Variants in CRIM1 observed in about 807,000 individuals in gnomAD.
CRIM1 encodes the protein cysteine rich transmembrane BMP regulator 1.
CRIM1 carries 32 observed loss-of-function variants against 116.4 expected under a neutral mutation model. The ratio of observed to expected loss-of-function variants is 0.27; its 90% CI spans 0.21 to 0.37. CRIM1 has a LOEUF of 0.37. Ranked by LOEUF, CRIM1 falls within the 10% of genes least tolerant of loss-of-function variation. The pLI, the probability that CRIM1 is intolerant of heterozygous loss-of-function variation, is 1.00. For missense variants in CRIM1, 1,331 were observed against 1,354.8 expected, an observed-to-expected ratio of 0.98 and a Z score of 0.28; for synonymous variants, 590 against 509.2, an observed-to-expected ratio of 1.16 and a Z score of -2.13.
intron 4 of CRIM1, among the ~76,000 whole-genome samples, chr2:36,449,283 C>T (rs1343384791): frequency 3.9e-5 from 6 of 152,116 alleles, no homozygotes; most frequent in South Asian, 2.1e-4. Context: ...GGGTCCTAGC[C>T]GGTGCACATC....
rs1219187950 is a variant in CRIM1 at position 36,549,745 on chromosome 2, AATG to A, written c.*1048_*1050del. The stretch of plus-strand genomic sequence containing the variant: ...AGCACCTTTGTTGAAGCTCAAAAAA[AATG>A]ATGCCTCTTTAAACTTTAGCAATTA... On this transcript the variant is annotated 3_prime_UTR_variant, in exon 17 of 17. Coordinates refer to ENST00000280527, the MANE Select transcript of CRIM1 (RefSeq NM_016441.3). The A allele has an allele frequency of 5.2e-5, 8 of 152,430 alleles. No individual in the cohort carries two copies. Among genetic ancestry groups the A allele is most frequent in the Non-Finnish European group, 8.8e-5 (6 of 67,982 alleles). 9.4% of individuals were successfully genotyped at this position (152,430 alleles called of 1,614,324 possible). A position where few individuals can be genotyped will look rare whatever the true frequency, so the allele number is the denominator to read the frequency against.
chr2:36,416,543 GT>G (rs1558560053), intron 2 of CRIM1, among the ~76,000 whole-genome samples: 1 of 152,148 alleles, frequency 6.6e-6, no homozygotes, highest in Admixed American at 6.5e-5. Context: ...ACAACACTGC[GT>G]TTGTCTTCTG....
intron 15 of CRIM1, among the ~76,000 whole-genome samples, 192 bp downstream of exon 15, chr2:36,544,690 A>G (rs766155901): frequency 2.0e-5 from 3 of 152,268 alleles, no homozygotes; most frequent in Non-Finnish European, 4.4e-5. Context: ...TCAGCAGGTA[A>G]CTGGATTAAA....
At chr2:36,418,307 T>C (rs746640520) in intron 2 of CRIM1, among the ~76,000 whole-genome samples, 9 of 152,156 alleles carry the variant, frequency 5.9e-5, no homozygotes, top group Non-Finnish European at 8.8e-5. Context: ...TTGAGCTCTT[T>C]TTATTGTTTG....
At chr2:36,502,504 C>T (rs956568114) in intron 8 of CRIM1, among the ~76,000 whole-genome samples, 1 of 152,144 alleles carries the variant, frequency 6.6e-6, no homozygotes, top group Non-Finnish European at 1.5e-5. Context: ...CCCATTTATA[C>T]AGATAGCTGG....
chr2:36,517,258 G>A lies in CRIM1; in HGVS notation c.1991-69G>A, dbSNP rs760682689. On this transcript the variant is annotated intron_variant, in intron 11 of 16. Coordinates refer to ENST00000280527, the MANE Select transcript of CRIM1 (RefSeq NM_016441.3). ...TCTCTTCTATCCCTTAAAGCAAACA[G>A]CACCAGGCTTTCAAGAGTTGGAAAG... The A allele has an allele frequency of 5.5e-6, 7 of 1,273,206 alleles. No individual in the cohort carries two copies. The East Asian group carries it at 1.6e-4, about 30-fold the overall frequency. 78.9% of individuals were successfully genotyped at this position (1,273,206 alleles called of 1,614,324 possible).
intron 7 of CRIM1, among the ~76,000 whole-genome samples, chr2:36,483,912 G>C (rs1017220704): frequency 1.3e-4 from 20 of 152,160 alleles, no homozygotes; most frequent in African/African-American, 4.6e-4. Flanking sequence ...GTTGAAGGAA[G>C]AATAATGTCA....
intron 5 of CRIM1, among the ~76,000 whole-genome samples, chr2:36,472,565 T>C (rs1433874089): frequency 6.6e-6 from 1 of 152,142 alleles, no homozygotes; most frequent in Non-Finnish European, 1.5e-5. Context: ...CTGCACACCC[T>C]ACCATAAAAA....
intron 1 of CRIM1, among the ~76,000 whole-genome samples, chr2:36,386,743 C>T (rs1054847700): frequency 6.6e-5 from 10 of 152,152 alleles, no homozygotes; most frequent in Admixed American, 1.3e-4. Context: ...CATTGTGCTG[C>T]TGTAAGTGAA....
At chr2:36,488,259 G>A (rs149507561) in intron 7 of CRIM1, among the ~76,000 whole-genome samples, 139 of 152,282 alleles carry the variant, frequency 9.1e-4, no homozygotes, top group African/African-American at 3.2e-3. Context: ...TTTTAAAATC[G>A]TAGGACAGGT....
chr2:36,426,018 A>C (rs1215522492), intron 2 of CRIM1, among the ~76,000 whole-genome samples: 4 of 152,236 alleles, frequency 2.6e-5, no homozygotes, highest in African/African-American at 9.6e-5. Flanking sequence ...ATATGTAGGA[A>C]GTCATGAACT....
intron 1 of CRIM1, among the ~76,000 whole-genome samples, chr2:36,363,481 G>C (rs1415461024): frequency 1.3e-5 from 2 of 150,084 alleles, no homozygotes; most frequent in Middle Eastern, 3.5e-3. Context: ...AAGGAGGTTG[G>C]GCTCTTAGAA....
intron 5 of CRIM1, among the ~76,000 whole-genome samples, chr2:36,468,405 G>A (rs1458212891): frequency 6.6e-6 from 1 of 152,138 alleles, no homozygotes; most frequent in East Asian, 1.9e-4. Context: ...TTTTGTTGTG[G>A]CGGAGGGATG....
At chr2:36,425,152 CTGGGTATCATACTCACTG>C (rs1674357305) in intron 2 of CRIM1, among the ~76,000 whole-genome samples, 1 of 152,160 alleles carries the variant, frequency 6.6e-6, no homozygotes, top group African/African-American at 2.4e-5. Context: ...AGGTGAGGGA[CTGGGTATCATACTCACTG>C]TGGGTCAAGT....
intron 2 of CRIM1, among the ~76,000 whole-genome samples, chr2:36,404,687 T>A (rs1672658584): frequency 6.6e-6 from 1 of 152,226 alleles, no homozygotes; most frequent in Non-Finnish European, 1.5e-5. Flanking sequence ...TATGGGAGCT[T>A]GCTTTGTTTT....
At chr2:36,477,207 A>G (rs1342101107) in intron 6 of CRIM1, 136 bp downstream of exon 6, 18 of 684,010 alleles carry the variant, frequency 2.6e-5, no homozygotes, top group East Asian at 1.2e-4. Flanking sequence ...TTAAGACACC[A>G]TGGTCTGTCT....
At chr2:36,402,379 C>T (rs1488051167) in intron 2 of CRIM1, among the ~76,000 whole-genome samples, 1 of 149,570 alleles carries the variant, frequency 6.7e-6, no homozygotes, top group Admixed American at 6.7e-5. Flanking sequence ...ACTGCAAAAG[C>T]TCTAAGGAGA....
At chr2:36,449,476 A>G (rs1676516869) in intron 4 of CRIM1, among the ~76,000 whole-genome samples, 1 of 152,184 alleles carries the variant, frequency 6.6e-6, no homozygotes, top group Admixed American at 6.5e-5. Context: ...TAGCTAAAGA[A>G]TACTCCTCTG....
intron 4 of CRIM1, among the ~76,000 whole-genome samples, chr2:36,462,987 C>T (rs530708292): frequency 6.6e-6 from 1 of 152,280 alleles, no homozygotes; most frequent in South Asian, 2.1e-4. Context: ...GAGCTCCAAG[C>T]TCTACTCACA....
Sources: gnomAD v4.1 joint callset for allele counts (sites outside exome capture counted in the v4.1 genomes callset) on GRCh38, gnomAD v4.1.1 for gene constraint, MANE v1.5 for transcripts, NCBI Gene and HGNC (gene_info 2026-07-23, HGNC 2026-07-21) for gene names.